The following LAIR2 variants were observed in gnomAD, a reference collection of about 807,000 sequenced individuals.
LAIR2 encodes the protein leukocyte associated immunoglobulin like receptor 2.
In LAIR2, 14 loss-of-function variants were observed where a neutral mutation model predicts 14.8. The ratio of observed to expected loss-of-function variants is 0.95; its 90% confidence interval spans 0.62 to 1.48. LAIR2 has a LOEUF of 1.48. LAIR2 is among the 40% of genes most tolerant of loss of function. LAIR2 has a pLI of 0.00. For missense variants in LAIR2, 172 were observed against 180.9 expected, an observed-to-expected ratio of 0.95 and a Z score of 0.28; for synonymous variants, 75 against 74.5, an observed-to-expected ratio of 1.01 and a Z score of -0.03.
intron 4 of LAIR2, 112 bp from the exon 5 acceptor site, chr19:54,510,414 G>A (rs1450837550): frequency 1.1e-5 from 9 of 807,514 alleles, no homozygotes; most frequent in East Asian, 2.6e-5. Context: ...TGGTAGAATC[G>A]TTTAGGGCAG....
In LAIR2 at chr19:54,503,315, G is replaced by A. The variant is rs549394170; in HGVS notation, c.34+363G>A. Among the ~76,000 whole-genome samples, 25 of 152,126 alleles carry A rather than the reference G, an allele frequency of 1.6e-4. No homozygotes were observed. The South Asian group carries it at 3.3e-3, about 20-fold the overall frequency. ...ATCTCTACTAATACAAAAATTAGCC[G>A]GGCATGGTGGCGGGCACCTGTAATC... On this transcript the variant is annotated intron_variant, in intron 1 of 4. Transcript: ENST00000301202.
intron 2 of LAIR2, among the ~76,000 whole-genome samples, chr19:54,504,283 G>T (rs1182314679): frequency 6.6e-6 from 1 of 151,948 alleles, no homozygotes; most frequent in Admixed American, 6.6e-5. Flanking sequence ...ATTTTTAATC[G>T]ACAAATAATT....
At chr19:54,507,436 C>A (rs1384505129) in intron 2 of LAIR2, among the ~76,000 whole-genome samples, 2 of 152,122 alleles carry the variant, frequency 1.3e-5, no homozygotes, top group African/African-American at 4.8e-5. Flanking sequence ...ACACTCAGTC[C>A]CACCCGGGGA....
Position 54,508,028 on chromosome 19 carries a change from G to C in LAIR2, c.208G>C (p.Asp70His), listed in dbSNP as rs1241680217. The stretch of plus-strand genomic sequence containing the variant: ...GAGGGAGGATAGAGCCAAGTACAAA[G>C]ATAGTTATAATGTGTTTCGACTTGG... ...LEREDRAKYKDSYNVFRLGPS... is the reference protein window; with the variant it reads ...LEREDRAKYKHSYNVFRLGPS... The change falls in exon 3 of 5, where the codon GAT (aspartate) becomes CAT (histidine). Residue 70 changes from aspartate to histidine, a missense_variant. This residue lies in a region of LAIR2 where 161 missense variants were observed against 149.0 expected (regional missense o/e 1.08). Coordinates refer to ENST00000301202, the MANE Select transcript of LAIR2 (RefSeq NM_002288.6). 1 of 1,614,234 alleles carries C rather than the reference G, an allele frequency of 6.2e-7. No individual in the cohort carries two copies. Among genetic ancestry groups the C allele is most frequent in the East Asian group, 2.2e-5 (1 of 44,890 alleles).
intron 2 of LAIR2, among the ~76,000 whole-genome samples, chr19:54,506,936 C>T (rs1568448218): frequency 6.6e-6 from 1 of 152,014 alleles, no homozygotes; most frequent in Non-Finnish European, 1.5e-5. Flanking sequence ...ATGTTCTCAC[C>T]ACAACAATTA....
chr19:54,503,832 A>G (rs2085319005), intron 2 of LAIR2, 97 bp downstream of exon 2: 1 of 1,473,334 alleles, frequency 6.8e-7, no homozygotes, highest in Admixed American at 1.7e-5. Context: ...GCCTGGAGAG[A>G]TCCCTTTAAA....
In LAIR2 at chr19:54,510,679, G is replaced by T. The variant is rs190021546; in HGVS notation, c.*110G>T. The stretch of plus-strand genomic sequence containing the variant: ...CATACATATACAAATAAAAAGATAC[G>T]ATTCGCAATGGAGAATTTCAGACCT... On this transcript the variant is annotated 3_prime_UTR_variant, in exon 5 of 5. Transcript: ENST00000301202. 2,322 of 1,274,668 alleles carry T rather than the reference G, an allele frequency of 1.8e-3. 35 individuals are homozygous for T. The African/African-American group carries it at 0.031, about 17-fold the overall frequency. 79.0% of individuals were successfully genotyped at this position (1,274,668 alleles called of 1,614,324 possible).
In LAIR2 at chr19:54,507,889, A is replaced by C; in HGVS notation, c.71-2A>C. 1 of 1,612,636 alleles carries C rather than the reference A, an allele frequency of 6.2e-7. No homozygotes were observed. Among genetic ancestry groups the C allele is most frequent in the Non-Finnish European group, 8.5e-7 (1 of 1,179,100 alleles). On this transcript the variant is annotated splice_acceptor_variant, in intron 2 of 4. Coordinates refer to ENST00000301202, the MANE Select transcript of LAIR2 (RefSeq NM_002288.6). LOFTEE classifies it high-confidence loss of function. ...TGAGATCCTTCTTTGCTTCCCTCTT[A>C]GGGGCCCTTCCCAGACCCTCCATCT...
intron 3 of LAIR2, 28 bp downstream of exon 3, chr19:54,508,212 A>C: frequency 3.1e-6 from 5 of 1,592,926 alleles, no homozygotes; most frequent in Non-Finnish European, 4.3e-6. Flanking sequence ...GCCCTGCCCC[A>C]GTCTCAGCTC....
intron 1 of LAIR2, among the ~76,000 whole-genome samples, chr19:54,503,319 A>G (rs1216219641): frequency 3.3e-5 from 5 of 152,020 alleles, no homozygotes; most frequent in East Asian, 3.9e-4. Context: ...TTAGCCGGGC[A>G]TGGTGGCGGG....
intron 4 of LAIR2, among the ~76,000 whole-genome samples, chr19:54,509,978 G>T (rs1036319374): frequency 2.7e-5 from 4 of 147,162 alleles, no homozygotes; most frequent in Non-Finnish European, 4.5e-5. Flanking sequence ...TGTGAGGCTC[G>T]GGCTGTGAGC....
intron 2 of LAIR2, 139 bp downstream of exon 2, chr19:54,503,874 A>G: frequency 9.5e-7 from 1 of 1,055,632 alleles, no homozygotes; most frequent in Non-Finnish European, 1.4e-6. Context: ...TTCCAAATGT[A>G]AAATGCATAA....
rs144472481 is a variant in LAIR2 at position 54,508,109 on chromosome 19, G to A, written c.289G>A (p.Gly97Arg). The A allele has an allele frequency of 1.5e-4, 244 of 1,614,188 alleles. No homozygotes were observed. In the African/African-American group the frequency reaches 1.9e-3, roughly 13 times the overall value. ...TGACTCAGTAAGTGAAGGAAATGCC[G>A]GGCTTTATCGCTGCCTCTATTATAA... ...HIDSVSEGNA[G>R]LYRCLYYKPP... Residue 97 changes from glycine (G) to arginine (R), a missense_variant, in exon 3 of 5, where the codon GGG becomes AGG. Gly to Arg is a moderately radical substitution (Grantham distance 125). Transcript: ENST00000301202.
chr19:54,503,000 C>T, intron 1 of LAIR2, 48 bp downstream of exon 1: 1 of 1,563,864 alleles, frequency 6.4e-7, no homozygotes, highest in Non-Finnish European at 8.7e-7. Context: ...GTCGGGAGGT[C>T]TGGAAAGTTC....
intron 4 of LAIR2, among the ~76,000 whole-genome samples, chr19:54,509,878 G>A (rs979975291): frequency 1.4e-5 from 2 of 142,450 alleles, no homozygotes; most frequent in Non-Finnish European, 3.1e-5. Context: ...TGCCAGGGGA[G>A]GACACGGGGT....
intron 2 of LAIR2, among the ~76,000 whole-genome samples, chr19:54,506,036 G>T (rs963172932): frequency 2.6e-5 from 4 of 152,042 alleles, no homozygotes; most frequent in African/African-American, 9.7e-5. Flanking sequence ...TGTTGATCAG[G>T]CTGGTCTCGA....
intron 1 of LAIR2, 82 bp downstream of exon 1, chr19:54,503,034 C>A: frequency 7.4e-7 from 1 of 1,345,588 alleles, no homozygotes; most frequent in Non-Finnish European, 1.0e-6. Flanking sequence ...GACTCTAGTC[C>A]AGAAGATTCT....
chr19:54,508,047 G>C lies in LAIR2; in HGVS notation c.227G>C (p.Arg76Pro). ...TACAAAGATAGTTATAATGTGTTTCGACTTGGTCCATCTGAGTCAGAGGCC... is the reference window on the plus strand; with the variant it reads ...TACAAAGATAGTTATAATGTGTTTCCACTTGGTCCATCTGAGTCAGAGGCC... ...AKYKDSYNVF[R>P]LGPSESEARF... is the part of the protein sequence containing the mutation. The change falls in exon 3 of 5, where the codon CGA becomes CCA. Residue 76 changes from arginine to proline, a missense_variant. Physicochemically the swap from Arg to Pro is moderately radical, Grantham distance 103. Coordinates refer to ENST00000301202, the MANE Select transcript of LAIR2 (RefSeq NM_002288.6). The C allele has an allele frequency of 1.2e-6, 2 of 1,614,116 alleles. No homozygotes were observed. Among genetic ancestry groups the C allele is most frequent in the Non-Finnish European group, 8.5e-7 (1 of 1,180,000 alleles).
rs1490716678 is a variant in LAIR2, at chr19:54,508,049, C to T, written c.229C>T (p.Leu77Phe). Residue 77 changes from leucine (L) to phenylalanine (F), a missense_variant, in exon 3 of 5, where the codon CTT becomes TTT. By Grantham distance (22) the Leu-to-Phe change is conservative. Transcript: ENST00000301202. The part of the protein sequence containing the change: ...KYKDSYNVFR[L>F]GPSESEARFH... The stretch of plus-strand genomic sequence containing the variant: ...CAAAGATAGTTATAATGTGTTTCGA[C>T]TTGGTCCATCTGAGTCAGAGGCCAG... 1.2e-6 allele frequency: 2 copies of T among 1,614,094 alleles called. No individual in the cohort carries two copies. The highest frequency in any genetic ancestry group is 1.7e-5 in the Admixed American group (1 of 60,006).
Sources: allele counts gnomAD v4.1 joint callset (sites outside exome capture counted in the v4.1 genomes callset), GRCh38; gene constraint gnomAD v4.1.1; regional missense constraint gnomAD v4.1.1; transcripts MANE v1.5; gene names NCBI Gene and HGNC (gene_info 2026-07-23, HGNC 2026-07-21).